The following OXR1 variants were observed in gnomAD, a reference collection of about 807,000 sequenced individuals.
OXR1 encodes oxidation resistance 1.
Under a neutral mutation model 104.6 loss-of-function variants are expected in OXR1, and 41 were observed. The ratio of observed to expected loss-of-function variants is 0.39; its 90% confidence interval spans 0.31 to 0.51. The LOEUF is 0.51. Ranked by LOEUF, OXR1 falls within the 20% of genes least tolerant of loss-of-function variation. OXR1 has a pLI of 0.77. For missense variants in OXR1, 955 were observed against 1,031.9 expected, an observed-to-expected ratio of 0.93 and a Z score of 1.02; for synonymous variants, 348 against 348.4, an observed-to-expected ratio of 1.00 and a Z score of 0.01.
chr8:106,743,298 GA>G (rs1433408283), intron 15 of OXR1, among the ~76,000 whole-genome samples: 4 of 152,118 alleles, frequency 2.6e-5, no homozygotes, highest in African/African-American at 4.8e-5. Flanking sequence ...AGGTTGCAGA[GA>G]AAAAGGAATG....
chr8:106,376,264 C>T (rs1816902231), intron 2 of OXR1, among the ~76,000 whole-genome samples: 1 of 152,208 alleles, frequency 6.6e-6, no homozygotes, highest in Admixed American at 6.5e-5. Flanking sequence ...TGATTTTTAA[C>T]ATCAACCCTT....
chr8:106,623,334 T>C (rs1009738116), intron 3 of OXR1, among the ~76,000 whole-genome samples: 2 of 151,982 alleles, frequency 1.3e-5, no homozygotes, highest in Non-Finnish European at 2.9e-5. Context: ...AAAGCAACCC[T>C]AATCCCACCC....
chr8:106,564,361 C>T (rs79753489), intron 3 of OXR1, among the ~76,000 whole-genome samples: 3,346 of 152,030 alleles, frequency 0.022, 66 homozygotes, highest in Admixed American at 0.049. Context: ...AACACCTCTA[C>T]GCAAATAAAC....
intron 2 of OXR1, among the ~76,000 whole-genome samples, chr8:106,458,253 C>T (rs117542836): frequency 0.028 from 4,240 of 152,194 alleles, 89 homozygotes; most frequent in South Asian, 0.044. Context: ...TCAATATTTG[C>T]TGCCCAGGTC....
At chr8:106,498,693 G>A in intron 2 of OXR1, among the ~76,000 whole-genome samples, 1 of 152,222 alleles carries the variant, frequency 6.6e-6, no homozygotes. Context: ...GTGTGTGCAT[G>A]TGTATGTGTA....
intron 9 of OXR1, chr8:106,707,399 G>A (rs1249850644): frequency 1.3e-5 from 8 of 593,508 alleles, no homozygotes; most frequent in South Asian, 6.5e-5. Flanking sequence ...TCACTACATC[G>A]TATCATTAAA....
chr8:106,293,077 A>G lies in OXR1; in HGVS notation c.-139+22710A>G, dbSNP rs939644125. Among the ~76,000 whole-genome samples the G allele has an allele frequency of 1.8e-4, 28 of 152,210 alleles. 2 individuals carry two copies. Among genetic ancestry groups the G allele is most frequent in the Admixed American group, 1.4e-3 (21 of 15,282 alleles). On this transcript the variant is annotated intron_variant, in intron 1 of 16. Coordinates refer to ENST00000517566, the MANE Select transcript of OXR1 (RefSeq NM_001198533.2). ...GGATATATTTCAAAGGTAATGTGCA[A>G]AAAATGGTAGTACACAGAAGATTTA... is the stretch of plus-strand genomic sequence containing the variant.
At chr8:106,303,528 G>A (rs1214377764) in intron 1 of OXR1, among the ~76,000 whole-genome samples, 1 of 151,696 alleles carries the variant, frequency 6.6e-6, no homozygotes, top group African/African-American at 2.4e-5. Context: ...GTGAGCTACC[G>A]AGCCCGGCCG....
chr8:106,630,728 T>G (rs1422252744), intron 3 of OXR1, among the ~76,000 whole-genome samples: 1 of 152,198 alleles, frequency 6.6e-6, no homozygotes, highest in Admixed American at 6.5e-5. Context: ...GAGTAAAAAG[T>G]GAAAACCTTT....
intron 3 of OXR1, among the ~76,000 whole-genome samples, chr8:106,533,890 T>C (rs372294476): frequency 1.1e-3 from 174 of 152,136 alleles, no homozygotes; most frequent in Non-Finnish European, 2.2e-3. Context: ...TTTGAATTTT[T>C]TTAGTAGAGA....
rs368236806 is a variant in OXR1, at chr8:106,364,520, C to G, written c.23+4884C>G. 2.8e-4 allele frequency among the ~76,000 whole-genome samples: 42 copies of G among 152,168 alleles called. No individual in the cohort carries two copies. In the East Asian group the frequency reaches 5.4e-3, roughly 20 times the overall value. On this transcript the variant is annotated intron_variant, in intron 2 of 16. Coordinates refer to ENST00000517566, the MANE Select transcript of OXR1 (RefSeq NM_001198533.2). ...ACTTGAAACCAGGAGGCAGAGGTTG[C>G]AGTGAGCAGAGATGACACCACTGCA... is the stretch of plus-strand genomic sequence containing the variant.
intron 3 of OXR1, among the ~76,000 whole-genome samples, chr8:106,548,107 C>T (rs956598322): frequency 6.6e-6 from 1 of 152,114 alleles, no homozygotes; most frequent in Non-Finnish European, 1.5e-5. Context: ...TCCAATTTTT[C>T]GTATCTTTGC....
chr8:106,573,344 TACACACACACACACAC>T (rs3046716), intron 3 of OXR1, among the ~76,000 whole-genome samples: 9 of 146,644 alleles, frequency 6.1e-5, no homozygotes, highest in Admixed American at 3.4e-4. Flanking sequence ...AACCATCACA[TACACACACACACACAC>T]ACACACACAC....
Position 106,733,989 on chromosome 8 carries a change from ATTTTTTT to A in OXR1, c.1957-3518_1957-3512del, listed in dbSNP as rs34442106. Among the ~76,000 whole-genome samples the A allele has an allele frequency of 3.2e-3, 451 of 140,660 alleles. 2 individuals carry two copies. The highest frequency in any genetic ancestry group is 1.0e-2 in the African/African-American group (393 of 39,382). 92.3% of individuals were successfully genotyped at this position (140,660 alleles called of 152,430 possible). On this transcript the variant is annotated intron_variant, in intron 11 of 16. Coordinates refer to ENST00000517566, the MANE Select transcript of OXR1 (RefSeq NM_001198533.2). ...ACTTCACTAATAGAATTAATTCTGG[ATTTTTTT>A]TTTTTTTTTTTTAAGACAGGATTTT...
chr8:106,433,767 CCA>C (rs1819458424), intron 2 of OXR1, among the ~76,000 whole-genome samples: 1 of 152,126 alleles, frequency 6.6e-6, no homozygotes. Context: ...GCTCATTATC[CCA>C]CACAGTTTAT....
At chr8:106,348,552 C>T (rs1815592918) in intron 1 of OXR1, among the ~76,000 whole-genome samples, 1 of 151,432 alleles carries the variant, frequency 6.6e-6, no homozygotes, top group South Asian at 2.1e-4. Context: ...TTGGGCAATC[C>T]ACATGGGTTT....
At chr8:106,505,925 G>T (rs954163854) in intron 2 of OXR1, among the ~76,000 whole-genome samples, 14 of 152,222 alleles carry the variant, frequency 9.2e-5, no homozygotes, top group African/African-American at 3.4e-4. Context: ...GGTTGCTATA[G>T]CAGAGTAGGT....
At chr8:106,577,378 C>CTTTTTTTTT (rs5893798) in intron 3 of OXR1, among the ~76,000 whole-genome samples, 2 of 43,606 alleles carry the variant, frequency 4.6e-5, no homozygotes, top group Non-Finnish European at 7.8e-5. Flanking sequence ...GCCCAGCTAA[C>CTTTTTTTTT]TTTTTTTTTT....
intron 2 of OXR1, among the ~76,000 whole-genome samples, chr8:106,426,026 G>A (rs922730736): frequency 6.6e-6 from 1 of 152,138 alleles, no homozygotes; most frequent in African/African-American, 2.4e-5. Context: ...TCAAGGGCTG[G>A]ACCACAAAAG....
Sources: allele counts gnomAD v4.1 joint callset (sites outside exome capture counted in the v4.1 genomes callset), GRCh38; gene constraint gnomAD v4.1.1; transcripts MANE v1.5; gene names NCBI Gene and HGNC (gene_info 2026-07-23, HGNC 2026-07-21).